The following AUH variants were observed in gnomAD, a reference collection of about 807,000 sequenced individuals.
AUH encodes AU RNA binding methylglutaconyl-CoA hydratase, also known as methylglutaconyl-CoA hydratase, mitochondrial.
In AUH, 29 loss-of-function variants were observed where a neutral mutation model predicts 42.3. The observed-to-expected ratio is 0.69, with a 90% CI of 0.51 to 0.93. The LOEUF (loss-of-function observed/expected upper bound fraction) is 0.93. Ranked by LOEUF, AUH falls within the 40% of genes least tolerant of loss-of-function variation. The probability of loss-of-function intolerance (pLI) is 0.00; values close to 1 mark genes in which losing one functional copy is unlikely to be tolerated. For synonymous variants in AUH, 174 were observed against 166.4 expected, an observed-to-expected ratio of 1.05 and a Z score of -0.35; for missense variants, 452 against 438.1, an observed-to-expected ratio of 1.03 and a Z score of -0.28.
intron 7 of AUH, among the ~76,000 whole-genome samples, 179 bp from the exon 8 acceptor site, chr9:91,217,506 A>T (rs984035405): frequency 5.3e-5 from 8 of 152,176 alleles, no homozygotes; most frequent in Non-Finnish European, 1.0e-4. Flanking sequence ...CAACTGCAAC[A>T]ACCACATCAG....
chr9:91,260,304 T>C (rs544057634), intron 6 of AUH, among the ~76,000 whole-genome samples: 3 of 152,346 alleles, frequency 2.0e-5, no homozygotes, highest in African/African-American at 7.2e-5. Context: ...CTTCTAACTG[T>C]ATTGTATACA....
intron 3 of AUH, among the ~76,000 whole-genome samples, chr9:91,328,910 A>G (rs1427858553): frequency 1.3e-5 from 2 of 152,130 alleles, no homozygotes; most frequent in Non-Finnish European, 2.9e-5. Context: ...AAGATCTCTC[A>G]TGCCCATATG....
At chr9:91,331,346 T>C (rs2131900241) in intron 3 of AUH, among the ~76,000 whole-genome samples, 1 of 152,334 alleles carries the variant, frequency 6.6e-6, no homozygotes, top group Non-Finnish European at 1.5e-5. Flanking sequence ...GGCAGTATCA[T>C]AGCCAATGAG....
At chr9:91,289,591 G>A (rs562223822) in intron 6 of AUH, among the ~76,000 whole-genome samples, 1 of 152,350 alleles carries the variant, frequency 6.6e-6, no homozygotes, top group East Asian at 1.9e-4. Context: ...ATTATAGAAA[G>A]CTCTTTACAA....
At chr9:91,276,958 G>C (rs558721546) in intron 6 of AUH, among the ~76,000 whole-genome samples, 147 of 152,288 alleles carry the variant, frequency 9.7e-4, no homozygotes, top group Non-Finnish European at 1.7e-3. Context: ...GCTGAGGTGG[G>C]AAAATCGTTT....
chr9:91,315,562 T>C (rs1377216683), intron 4 of AUH, among the ~76,000 whole-genome samples: 4 of 152,114 alleles, frequency 2.6e-5, no homozygotes, highest in African/African-American at 9.7e-5. Flanking sequence ...AAAGCTCTCC[T>C]TTCTAAAGTT....
At position 91,356,133 on chromosome 9, in the gene AUH, G is replaced by A; in HGVS notation, c.285C>T (p.Asn95=). The change falls in exon 2 of 10, where the codon AAC becomes AAT. Residue 95 remains asparagine (N), a synonymous_variant. Transcript: ENST00000375731. ...ENRGIVVLGI[N]RAYGKNSLSK... ...TGAGTGAATTTTTGCCATAAGCTCT[G>A]TTTATTCCAAGCACCACAATTCCTA... 3 of 1,613,602 alleles carry A rather than the reference G, an allele frequency of 1.9e-6. No individual in the cohort carries two copies. Among genetic ancestry groups the A allele is most frequent in the Non-Finnish European group, 2.5e-6 (3 of 1,179,754 alleles).
chr9:91,295,472 C>G (rs534255496), intron 6 of AUH, among the ~76,000 whole-genome samples: 1 of 152,282 alleles, frequency 6.6e-6, no homozygotes, highest in African/African-American at 2.4e-5. Flanking sequence ...TGCTATCAAA[C>G]AGCAGCGCAT....
intron 6 of AUH, among the ~76,000 whole-genome samples, chr9:91,291,289 G>A (rs1428491723): frequency 6.6e-6 from 1 of 151,706 alleles, no homozygotes; most frequent in Non-Finnish European, 1.5e-5. Flanking sequence ...CTTCCAGGCT[G>A]ACATCTCTTG....
At chr9:91,290,419 C>CA (rs1270803443) in intron 6 of AUH, among the ~76,000 whole-genome samples, 10 of 150,916 alleles carry the variant, frequency 6.6e-5, no homozygotes, top group African/African-American at 2.2e-4. Flanking sequence ...TGTCTCCAAA[C>CA]AAAAAAAAGA....
At chr9:91,253,526 A>T (rs1396960568) in intron 6 of AUH, among the ~76,000 whole-genome samples, 1 of 152,262 alleles carries the variant, frequency 6.6e-6, no homozygotes, top group Non-Finnish European at 1.5e-5. Flanking sequence ...TATGTACTGC[A>T]TGCTCATCAC....
At chr9:91,278,620 T>A (rs1326186423) in intron 6 of AUH, among the ~76,000 whole-genome samples, 1 of 152,220 alleles carries the variant, frequency 6.6e-6, no homozygotes, top group African/African-American at 2.4e-5. Flanking sequence ...GTAAGATAAC[T>A]TTTCTGATTA....
intron 3 of AUH, among the ~76,000 whole-genome samples, chr9:91,344,557 C>T (rs1831344940): frequency 6.6e-6 from 1 of 152,066 alleles, no homozygotes; most frequent in South Asian, 2.1e-4. Flanking sequence ...CTCAAGTAGC[C>T]CTGTATTTAT....
intron 1 of AUH, 63 bp from the exon 2 acceptor site, chr9:91,356,218 T>G: frequency 5.4e-6 from 7 of 1,289,412 alleles, no homozygotes; most frequent in Non-Finnish European, 7.9e-6. Context: ...GAACAGACTC[T>G]ACATCACACA....
intron 6 of AUH, among the ~76,000 whole-genome samples, chr9:91,239,904 G>T (rs1828410165): frequency 6.6e-6 from 1 of 152,164 alleles, no homozygotes; most frequent in Admixed American, 6.5e-5. Context: ...CTGGAATGGG[G>T]AAGGAAGGCT....
At chr9:91,331,080 A>T (rs1445758730) in intron 3 of AUH, among the ~76,000 whole-genome samples, 1 of 151,964 alleles carries the variant, frequency 6.6e-6, no homozygotes, top group Non-Finnish European at 1.5e-5. Flanking sequence ...CCAGCTGCCA[A>T]TTTTTTCCTC....
chr9:91,248,580 G>A (rs1317823796), intron 6 of AUH, among the ~76,000 whole-genome samples: 4 of 152,136 alleles, frequency 2.6e-5, no homozygotes, highest in Admixed American at 6.5e-5. Flanking sequence ...GGTGGGACAC[G>A]GAAATTTAAA....
chr9:91,272,857 C>A (rs298725), intron 6 of AUH, among the ~76,000 whole-genome samples: 5,411 of 152,214 alleles, frequency 0.036, 148 homozygotes, highest in Non-Finnish European at 0.056. Flanking sequence ...ACTGTAAAAT[C>A]AAGTAAGACC....
intron 3 of AUH, among the ~76,000 whole-genome samples, chr9:91,341,103 G>A (rs545961536): frequency 2.0e-3 from 301 of 152,184 alleles, no homozygotes; most frequent in Middle Eastern, 3.4e-3. Context: ...TCTAACTGCC[G>A]GAGCTCTACT....
Sources: allele counts gnomAD v4.1 joint callset (sites outside exome capture counted in the v4.1 genomes callset), GRCh38; gene constraint gnomAD v4.1.1; transcripts MANE v1.5; gene names NCBI Gene and HGNC (gene_info 2026-07-23, HGNC 2026-07-21).